RBMS3: variants seen among roughly 807,000 people sequenced by gnomAD.
The protein encoded by RBMS3 is RNA-binding motif, single-stranded-interacting protein 3.
RBMS3 carries 27 observed loss-of-function variants against 66.8 expected under a neutral mutation model. That is an observed-to-expected ratio of 0.40 (90% CI 0.30 to 0.56). The LOEUF (loss-of-function observed/expected upper bound fraction) is 0.56, where lower values mean the gene tolerates loss of function less well. Ranked by LOEUF, RBMS3 falls within the 20% of genes least tolerant of loss-of-function variation. The pLI, the probability that RBMS3 is intolerant of heterozygous loss-of-function variation, is 0.40. For synonymous variants in RBMS3, 188 were observed against 183.0 expected, an observed-to-expected ratio of 1.03 and a Z score of -0.22; for missense variants, 513 against 549.5, an observed-to-expected ratio of 0.93 and a Z score of 0.66.
intron 1 of RBMS3, among the ~76,000 whole-genome samples, chr3:29,335,908 T>G (rs2035921129): frequency 6.6e-6 from 1 of 152,134 alleles, no homozygotes; most frequent in Non-Finnish European, 1.5e-5. Context: ...TTCTGTTTTG[T>G]TTTTGAGGGG....
chr3:29,324,062 T>C (rs1000026816), intron 1 of RBMS3, among the ~76,000 whole-genome samples: 2 of 152,162 alleles, frequency 1.3e-5, no homozygotes, highest in Non-Finnish European at 2.9e-5. Flanking sequence ...TTTTTTTATT[T>C]TGTTTTTATT....
Position 29,648,200 on chromosome 3 carries a change from A to G in RBMS3, c.399+60995A>G, listed in dbSNP as rs1040340345. Among the ~76,000 whole-genome samples the G allele has an allele frequency of 6.6e-5, 10 of 151,420 alleles. No individual in the cohort carries two copies. In the East Asian group the frequency reaches 1.7e-3, roughly 26 times the overall value. On this transcript the variant is annotated intron_variant, in intron 4 of 14. Transcript: ENST00000383767. ...AGACTCTTTTTATTAGATTTTTAAA[A>G]ATTATATTCAATTATATTTTCATTA...
chr3:29,292,790 A>C (rs556320611), intron 1 of RBMS3, among the ~76,000 whole-genome samples: 1 of 152,018 alleles, frequency 6.6e-6, no homozygotes, highest in South Asian at 2.1e-4. Context: ...TAAGGGTATC[A>C]GGGCTCAATG....
At chr3:29,678,691 C>A (rs1216735544) in intron 4 of RBMS3, among the ~76,000 whole-genome samples, 1 of 151,948 alleles carries the variant, frequency 6.6e-6, no homozygotes, top group East Asian at 1.9e-4. Context: ...GAGGCAGTCA[C>A]CCAAGAAAGA....
intron 6 of RBMS3, among the ~76,000 whole-genome samples, chr3:29,867,599 T>C (rs2059393381): frequency 6.7e-6 from 1 of 149,492 alleles, no homozygotes; most frequent in Admixed American, 6.7e-5. Flanking sequence ...TGTTCACATA[T>C]CCATGCAGAG....
chr3:29,976,165 C>T (rs1697572752), intron 12 of RBMS3, among the ~76,000 whole-genome samples: 1 of 151,616 alleles, frequency 6.6e-6, no homozygotes, highest in Non-Finnish European at 1.5e-5. Flanking sequence ...AGCAAATGAC[C>T]CTCACTCCCG....
chr3:29,341,080 A>G (rs1443390299), intron 1 of RBMS3, among the ~76,000 whole-genome samples: 1 of 152,110 alleles, frequency 6.6e-6, no homozygotes, highest in African/African-American at 2.4e-5. Context: ...TTTTCTTGTT[A>G]AAGGAAAATT....
chr3:29,864,358 A>C (rs763371749), intron 6 of RBMS3, among the ~76,000 whole-genome samples: 5 of 152,188 alleles, frequency 3.3e-5, no homozygotes, highest in Non-Finnish European at 7.4e-5. Context: ...CCTAGGAGAT[A>C]ATGAAAGCCA....
intron 10 of RBMS3, among the ~76,000 whole-genome samples, chr3:29,900,045 T>C (rs2060217615): frequency 6.6e-6 from 1 of 151,704 alleles, no homozygotes; most frequent in South Asian, 2.1e-4. Context: ...CAATCAACCA[T>C]TCAAGCTGAG....
chr3:29,751,663 A>G (rs1202899655), intron 5 of RBMS3, among the ~76,000 whole-genome samples: 1 of 152,194 alleles, frequency 6.6e-6, no homozygotes, highest in Non-Finnish European at 1.5e-5. Context: ...TAAACCAACA[A>G]TATTAAACTA....
rs565126966 is a variant in RBMS3 at position 29,453,963 on chromosome 3, C to A, written c.248+19048C>A. ...AGGTGAGGGAAGAGAAACTGGCCCA[C>A]AAGATAGAGCCACAACCAGTGACTG... On this transcript the variant is annotated intron_variant, in intron 2 of 14. Transcript: ENST00000383767. Among the ~76,000 whole-genome samples the A allele has an allele frequency of 4.6e-5, 7 of 152,222 alleles. No individual in the cohort carries two copies. The South Asian group carries it at 8.3e-4, about 18-fold the overall frequency.
chr3:29,498,017 CAG>C (rs1438783181), intron 3 of RBMS3, among the ~76,000 whole-genome samples: 1 of 53,638 alleles, frequency 1.9e-5, no homozygotes, highest in Non-Finnish European at 3.2e-5. Flanking sequence ...TTTTGGGAGA[CAG>C]AGTCTTGCTC....
At chr3:29,947,791 C>T (rs1322875322) in intron 12 of RBMS3, among the ~76,000 whole-genome samples, 1 of 150,622 alleles carries the variant, frequency 6.6e-6, no homozygotes, top group East Asian at 2.0e-4. Context: ...CTATGAAAAC[C>T]GAAGATAATT....
chr3:29,435,579 T>C (rs567719065), intron 2 of RBMS3, among the ~76,000 whole-genome samples: 1 of 152,348 alleles, frequency 6.6e-6, no homozygotes, highest in East Asian at 1.9e-4. Context: ...TCATTAATTC[T>C]CTTATTTCTG....
chr3:29,667,378 T>C (rs1389851763), intron 4 of RBMS3, among the ~76,000 whole-genome samples: 1 of 152,198 alleles, frequency 6.6e-6, no homozygotes, highest in Non-Finnish European at 1.5e-5. Context: ...AACGTCAGTA[T>C]ACCCCTGAGA....
At chr3:29,748,291 G>A (rs957324154) in intron 5 of RBMS3, among the ~76,000 whole-genome samples, 4 of 152,166 alleles carry the variant, frequency 2.6e-5, no homozygotes, top group African/African-American at 9.7e-5. Flanking sequence ...GAAACATTGA[G>A]TAAGGGAAAG....
chr3:29,684,525 A>G (rs1021606147), intron 4 of RBMS3, among the ~76,000 whole-genome samples: 13 of 152,280 alleles, frequency 8.5e-5, no homozygotes, highest in African/African-American at 2.9e-4. Flanking sequence ...ATTCAACTGT[A>G]TATGGAATTT....
intron 4 of RBMS3, among the ~76,000 whole-genome samples, chr3:29,675,943 A>G (rs1457526715): frequency 1.3e-5 from 2 of 152,216 alleles, no homozygotes; most frequent in African/African-American, 4.8e-5. Context: ...CCAAAGGATT[A>G]TAAATCATGC....
At chr3:29,553,636 C>T (rs982940687) in intron 3 of RBMS3, among the ~76,000 whole-genome samples, 15 of 151,992 alleles carry the variant, frequency 9.9e-5, no homozygotes, top group African/African-American at 3.6e-4. Flanking sequence ...AGTGAGTGTC[C>T]AGTCCCAAAC....
Sources: gnomAD v4.1 joint callset for allele counts (sites outside exome capture counted in the v4.1 genomes callset) on GRCh38, gnomAD v4.1.1 for gene constraint, MANE v1.5 for transcripts, NCBI Gene and HGNC (gene_info 2026-07-23, HGNC 2026-07-21) for gene names.